Variants in CADM2 observed in about 807,000 individuals in gnomAD.
CADM2 encodes immunoglobulin superfamily member 4D.
Under a neutral mutation model 49.8 loss-of-function variants are expected in CADM2, and 12 were observed. That is an observed-to-expected ratio of 0.24 (90% CI 0.15 to 0.39). CADM2 has a LOEUF of 0.39. Ranked by LOEUF, CADM2 falls within the 10% of genes least tolerant of loss-of-function variation. The pLI, the probability that CADM2 is intolerant of heterozygous loss-of-function variation, is 1.00. For missense variants in CADM2, 378 were observed against 492.3 expected (o/e 0.77, Z 2.20); for synonymous variants, 214 against 175.4 (o/e 1.22, Z -1.74).
intron 1 of CADM2, among the ~76,000 whole-genome samples, chr3:85,290,862 ACT>A (rs1479245463): frequency 6.6e-6 from 1 of 152,222 alleles, no homozygotes; most frequent in Non-Finnish European, 1.5e-5. Context: ...AAAACTGGAA[ACT>A]CTAAAAAGCA....
chr3:85,694,901 C>T (rs1352756612), intron 1 of CADM2, among the ~76,000 whole-genome samples: 4 of 151,906 alleles, frequency 2.6e-5, no homozygotes, highest in African/African-American at 9.7e-5. Flanking sequence ...TCAAATCCAG[C>T]CTTGGCAACA....
chr3:85,724,027 C>A (rs1320532001), intron 1 of CADM2, among the ~76,000 whole-genome samples: 1 of 151,514 alleles, frequency 6.6e-6, no homozygotes, highest in Admixed American at 6.6e-5. Context: ...TAAAAACAAA[C>A]AATACACACA....
At chr3:85,181,950 TTAATA>T (rs1158432134) in intron 1 of CADM2, among the ~76,000 whole-genome samples, 1 of 149,192 alleles carries the variant, frequency 6.7e-6, no homozygotes, top group Non-Finnish European at 1.5e-5. Context: ...ATATATTCTT[TTAATA>T]TATTATAATT....
chr3:85,055,303 C>T (rs920303770), intron 1 of CADM2, among the ~76,000 whole-genome samples: 1 of 151,970 alleles, frequency 6.6e-6, no homozygotes, highest in East Asian at 1.9e-4. Flanking sequence ...GGACATGAAA[C>T]TATTCATGTG....
At chr3:85,331,893 C>T (rs1007506935) in intron 1 of CADM2, among the ~76,000 whole-genome samples, 18 of 152,068 alleles carry the variant, frequency 1.2e-4, no homozygotes, top group African/African-American at 4.1e-4. Context: ...GTTATCATTA[C>T]AATTTTTATT....
rs934615925 is a variant in CADM2, at chr3:86,071,883, A to C, written c.*5100A>C. On this transcript the variant is annotated 3_prime_UTR_variant, in exon 10 of 10. Coordinates refer to ENST00000383699, the MANE Select transcript of CADM2 (RefSeq NM_001167675.2). Reference sequence around the variant, plus strand: ...TTAAAATGGCAACACTTTGCGATCCAATCTGATATTTAATTTTTAAAATGT... The same window carrying C: ...TTAAAATGGCAACACTTTGCGATCCCATCTGATATTTAATTTTTAAAATGT... The C allele has an allele frequency of 2.0e-5, 3 of 152,006 alleles. No individual in the cohort carries two copies. Among genetic ancestry groups the C allele is most frequent in the Admixed American group, 1.3e-4 (2 of 15,220 alleles). The allele number at this position is 152,006 out of a possible 1,614,324, so 9.4% of individuals were successfully genotyped here. A position where few individuals can be genotyped will look rare whatever the true frequency, so the allele number is the denominator to read the frequency against.
chr3:85,637,324 C>T (rs1357460308), intron 1 of CADM2, among the ~76,000 whole-genome samples: 2 of 151,720 alleles, frequency 1.3e-5, no homozygotes, highest in Non-Finnish European at 2.9e-5. Flanking sequence ...TATTATTGGC[C>T]GGGCGCGGTG....
chr3:85,999,260 A>T (rs1729820526), intron 8 of CADM2, among the ~76,000 whole-genome samples: 1 of 132,280 alleles, frequency 7.6e-6, no homozygotes, highest in African/African-American at 2.8e-5. Context: ...TCACTTTGGG[A>T]GGCCGAGGGT....
intron 1 of CADM2, among the ~76,000 whole-genome samples, chr3:85,610,506 T>C (rs941475606): frequency 3.9e-5 from 6 of 152,018 alleles, no homozygotes; most frequent in African/African-American, 1.4e-4. Context: ...ACAATAATAA[T>C]AGCAGCTATT....
chr3:85,773,599 T>G (rs2070210080), intron 2 of CADM2, among the ~76,000 whole-genome samples: 3 of 152,068 alleles, frequency 2.0e-5, no homozygotes, highest in Non-Finnish European at 4.4e-5. Context: ...GTTCATTAGT[T>G]GGATTATCAC....
At chr3:85,872,053 G>T (rs1705678652) in intron 3 of CADM2, among the ~76,000 whole-genome samples, 1 of 152,160 alleles carries the variant, frequency 6.6e-6, no homozygotes, top group Non-Finnish European at 1.5e-5. Flanking sequence ...CATTACCTCA[G>T]TGAAAGCTCC....
At chr3:85,699,535 C>T (rs1038894922) in intron 1 of CADM2, among the ~76,000 whole-genome samples, 1 of 152,332 alleles carries the variant, frequency 6.6e-6, no homozygotes, top group Admixed American at 6.5e-5. Flanking sequence ...GGCTTTTCAC[C>T]ACATGGAAGC....
intron 1 of CADM2, among the ~76,000 whole-genome samples, chr3:85,137,266 AT>A (rs2039440653): frequency 6.6e-6 from 1 of 152,036 alleles, no homozygotes; most frequent in Non-Finnish European, 1.5e-5. Flanking sequence ...TCTAACAGTT[AT>A]AAAGAAACTT....
At chr3:85,263,426 AG>A (rs2107896899) in intron 1 of CADM2, among the ~76,000 whole-genome samples, 1 of 152,304 alleles carries the variant, frequency 6.6e-6, no homozygotes, top group Non-Finnish European at 1.5e-5. Context: ...GTACCATACC[AG>A]GTGTTTCACA....
At chr3:84,967,554 A>G (rs2031094608) in intron 1 of CADM2, among the ~76,000 whole-genome samples, 1 of 152,092 alleles carries the variant, frequency 6.6e-6, no homozygotes, top group South Asian at 2.1e-4. Context: ...TTTAATTGCC[A>G]TTTCTTTACT....
At chr3:85,074,049 AT>A (rs2036854212) in intron 1 of CADM2, among the ~76,000 whole-genome samples, 2 of 152,144 alleles carry the variant, frequency 1.3e-5, no homozygotes, top group African/African-American at 4.8e-5. Context: ...CATTAGCCAC[AT>A]TTTGAAGGCA....
chr3:85,129,126 T>G (rs2039140672), intron 1 of CADM2, among the ~76,000 whole-genome samples: 1 of 152,154 alleles, frequency 6.6e-6, no homozygotes, highest in African/African-American at 2.4e-5. Flanking sequence ...CCATAGCCAG[T>G]TCACCACATC....
intron 1 of CADM2, among the ~76,000 whole-genome samples, chr3:85,189,702 C>T (rs547044815): frequency 9.2e-5 from 14 of 152,064 alleles, no homozygotes; most frequent in Non-Finnish European, 1.5e-4. Flanking sequence ...TTCTGTGAGT[C>T]ATGAATCAAG....
chr3:85,772,303 T>G (rs1245042464), intron 2 of CADM2, among the ~76,000 whole-genome samples: 2 of 152,026 alleles, frequency 1.3e-5, no homozygotes, highest in Non-Finnish European at 2.9e-5. Context: ...CCTAGTTACG[T>G]TTAGCTTTGG....
Sources: allele counts gnomAD v4.1 joint callset (sites outside exome capture counted in the v4.1 genomes callset), GRCh38; gene constraint gnomAD v4.1.1; transcripts MANE v1.5; gene names NCBI Gene and HGNC (gene_info 2026-07-23, HGNC 2026-07-21).